The following KLHL4 variants were observed in gnomAD, a reference collection of about 807,000 sequenced individuals.
KLHL4 encodes the protein kelch like family member 4.
A neutral mutation model predicts 45.8 loss-of-function variants in KLHL4; 17 were observed. The ratio of observed to expected loss-of-function variants is 0.37; its 90% confidence interval spans 0.25 to 0.56. The LOEUF (loss-of-function observed/expected upper bound fraction) is 0.56, where lower values mean the gene tolerates loss of function less well. Ranked by LOEUF, KLHL4 falls within the 20% of genes least tolerant of loss-of-function variation. KLHL4 has a pLI of 0.79. For synonymous variants in KLHL4, 224 were observed against 189.9 expected (o/e 1.18, Z -1.47); for missense variants, 544 against 544.9 (o/e 1.00, Z 0.02).
intron 1 of KLHL4, among the ~76,000 whole-genome samples, chrX:87,587,244 A>T (rs1921510143): frequency 9.1e-6 from 1 of 109,579 alleles, no homozygotes; most frequent in African/African-American, 3.3e-5. Context: ...CACTCAAGCT[A>T]TTCTATTCTG....
At position 87,622,318 on chromosome X, in the gene KLHL4, C is replaced by T; in HGVS notation, c.1032C>T (p.Thr344=). 2 of 1,205,653 alleles carry T rather than the reference C, an allele frequency of 1.7e-6. No individual in the cohort carries two copies. Among genetic ancestry groups the T allele is most frequent in the African/African-American group, 3.5e-5 (2 of 57,480 alleles). ...ACATTAATGTGCCTGATGAAGAGACCATTTTTCATGCTCTAATGCAGTGGG... is the reference window on the plus strand; with the variant it reads ...ACATTAATGTGCCTGATGAAGAGACTATTTTTCATGCTCTAATGCAGTGGG... The part of the protein sequence containing the change: ...SDDINVPDEE[T]IFHALMQWVG... The change falls in exon 5 of 11, where the codon ACC becomes ACT. Residue 344 remains threonine (T), a synonymous_variant. Transcript: ENST00000373119.
At chrX:87,537,497 A>AAT (rs1004073946) in intron 1 of KLHL4, among the ~76,000 whole-genome samples, 70 of 110,687 alleles carry the variant, frequency 6.3e-4, no homozygotes, top group African/African-American at 2.1e-3. Context: ...CGTTTATATA[A>AAT]ATATATATAT....
intron 6 of KLHL4, among the ~76,000 whole-genome samples, chrX:87,631,560 C>T (rs1192786318): frequency 9.0e-6 from 1 of 111,707 alleles, no homozygotes; most frequent in Non-Finnish European, 1.9e-5. Flanking sequence ...CTCACTCTGT[C>T]ACCCAGGCTG....
chrX:87,575,894 C>T (rs1921086463), intron 1 of KLHL4, among the ~76,000 whole-genome samples: 1 of 111,690 alleles, frequency 9.0e-6, no homozygotes, highest in Non-Finnish European at 1.9e-5. Flanking sequence ...TTAATATAAA[C>T]TACTGAAAAT....
chrX:87,624,134 A>G (rs1305240955), intron 5 of KLHL4, among the ~76,000 whole-genome samples: 2 of 112,213 alleles, frequency 1.8e-5, no homozygotes, highest in Non-Finnish European at 3.8e-5. Context: ...ACTTTCAGCA[A>G]AATGAACTTA....
chrX:87,529,678 T>C (rs1049994589), intron 1 of KLHL4, among the ~76,000 whole-genome samples: 2 of 111,782 alleles, frequency 1.8e-5, no homozygotes, highest in African/African-American at 6.5e-5. Flanking sequence ...ACTGCAATAT[T>C]GTGTTTTTCA....
intron 1 of KLHL4, among the ~76,000 whole-genome samples, chrX:87,558,333 T>C (rs5969255): frequency 0.25 from 27,427 of 110,294 alleles, 2,936 homozygotes; most frequent in East Asian, 0.51. Flanking sequence ...TATATGACTG[T>C]GTGGAAGAAT....
chrX:87,558,449 A>C (rs889624475), intron 1 of KLHL4, among the ~76,000 whole-genome samples: 1 of 111,699 alleles, frequency 9.0e-6, no homozygotes, highest in Non-Finnish European at 1.9e-5. Flanking sequence ...TCACACCTCA[A>C]TCATCTTATA....
At position 87,574,219 on chromosome X, in the gene KLHL4, C is replaced by A. The variant is rs138110447; in HGVS notation, c.423-39658C>A. On this transcript the variant is annotated intron_variant, in intron 1 of 10. Transcript: ENST00000373119. ...TGGAAATTTCATCATATCCAATAAT[C>A]TTAACTATTGTGATTCCAGAAGCAT... Among the ~76,000 whole-genome samples the A allele has an allele frequency of 2.9e-3, 318 of 111,269 alleles. 1 individual carries two copies. Among genetic ancestry groups the A allele is most frequent in the African/African-American group, 1.0e-2 (307 of 30,715 alleles).
chrX:87,532,901 A>G (rs1189425860), intron 1 of KLHL4, among the ~76,000 whole-genome samples: 1 of 110,487 alleles, frequency 9.1e-6, no homozygotes, highest in Non-Finnish European at 1.9e-5. Flanking sequence ...AAGGACATGA[A>G]CAGACACTTC....
chrX:87,641,141 C>A (rs1020167192), intron 9 of KLHL4, among the ~76,000 whole-genome samples: 2 of 111,740 alleles, frequency 1.8e-5, no homozygotes, highest in Non-Finnish European at 3.8e-5. Context: ...AACAAACCAG[C>A]AATCCTGAGA....
At chrX:87,651,016 T>C (rs1438420649) in intron 9 of KLHL4, among the ~76,000 whole-genome samples, 1 of 111,819 alleles carries the variant, frequency 8.9e-6, no homozygotes, top group Non-Finnish European at 1.9e-5. Context: ...CTAAGCTGGG[T>C]TTTCAGTTAC....
intron 5 of KLHL4, among the ~76,000 whole-genome samples, chrX:87,622,670 C>A (rs186781071): frequency 1.9e-5 from 2 of 107,464 alleles, no homozygotes; most frequent in African/African-American, 6.8e-5. Flanking sequence ...TTCAGTTTCA[C>A]CACATAATAT....
Position 87,613,729 on chromosome X carries a change from A to G in KLHL4, c.423-148A>G, listed in dbSNP as rs1047138962. On this transcript the variant is annotated intron_variant, in intron 1 of 10. Coordinates refer to ENST00000373119, the MANE Select transcript of KLHL4 (RefSeq NM_019117.5). ...TAAAATATCTAAGATCGGAAAACAG[A>G]TTTTAATTTTACTTTAATCCAACAT... The G allele has an allele frequency of 7.8e-6, 3 of 383,751 alleles. No individual in the cohort carries two copies. In the African/African-American group the frequency reaches 7.8e-5, roughly 10 times the overall value. The allele number at this position is 383,751 out of a possible 1,213,427, so 31.6% of individuals were successfully genotyped here. A position where few individuals can be genotyped will look rare whatever the true frequency, so the allele number is the denominator to read the frequency against.
intron 1 of KLHL4, among the ~76,000 whole-genome samples, chrX:87,529,512 C>A (rs1325390634): frequency 4.5e-5 from 5 of 111,492 alleles, no homozygotes; most frequent in Non-Finnish European, 7.5e-5. Context: ...AAAACCTAGT[C>A]ATGAGAACAA....
intron 1 of KLHL4, among the ~76,000 whole-genome samples, chrX:87,610,055 C>T (rs753863556): frequency 9.0e-6 from 1 of 111,700 alleles, no homozygotes; most frequent in Non-Finnish European, 1.9e-5. Flanking sequence ...ACATGGCTTG[C>T]TTTCTCAGTT....
At chrX:87,534,218 C>T (rs1428487559) in intron 1 of KLHL4, among the ~76,000 whole-genome samples, 1 of 111,214 alleles carries the variant, frequency 9.0e-6, no homozygotes, top group Non-Finnish European at 1.9e-5. Context: ...TAAATAAGAT[C>T]TTGGACTTCA....
intron 1 of KLHL4, among the ~76,000 whole-genome samples, chrX:87,527,827 A>C (rs59742113): frequency 0.25 from 27,496 of 108,120 alleles, 3,035 homozygotes; most frequent in East Asian, 0.53. Flanking sequence ...AAAAAAAAAA[A>C]AACAATTGTT....
intron 1 of KLHL4, among the ~76,000 whole-genome samples, chrX:87,575,732 A>G (rs1462339203): frequency 9.0e-6 from 1 of 111,495 alleles, no homozygotes; most frequent in Non-Finnish European, 1.9e-5. Flanking sequence ...TGGTAACAGT[A>G]TTAGGGGAAA....
Sources: gnomAD v4.1 joint callset for allele counts (sites outside exome capture counted in the v4.1 genomes callset) on GRCh38, gnomAD v4.1.1 for gene constraint, MANE v1.5 for transcripts, NCBI Gene and HGNC (gene_info 2026-07-23, HGNC 2026-07-21) for gene names.